TSHZ2: variants seen among roughly 807,000 people sequenced by gnomAD.
TSHZ2 encodes the protein teashirt homolog 2.
TSHZ2 carries 21 observed loss-of-function variants against 74.4 expected under a neutral mutation model. The ratio of observed to expected loss-of-function variants is 0.28; its 90% CI spans 0.20 to 0.41. TSHZ2 has a LOEUF of 0.41. Ranked by LOEUF, TSHZ2 falls within the 10% of genes least tolerant of loss-of-function variation. The pLI is 1.00. For synonymous variants in TSHZ2, 540 were observed against 515.3 expected, an observed-to-expected ratio of 1.05 and a Z score of -0.65; for missense variants, 1,244 against 1,293.5, an observed-to-expected ratio of 0.96 and a Z score of 0.59.
rs1429200292 is a variant in TSHZ2 at position 53,027,884 on chromosome 20, AT to A, written c.40+54559del. ...TAAGGAGAGGAGAGGGTGGTTAGAT[AT>A]TTTTTTTAAAAAAGAAAAGAATCCC... is the stretch of plus-strand genomic sequence containing the variant. On this transcript the variant is annotated intron_variant, in intron 1 of 2. Coordinates refer to ENST00000371497, the MANE Select transcript of TSHZ2 (RefSeq NM_173485.6). 3.3e-5 allele frequency among the ~76,000 whole-genome samples: 5 copies of A among 152,078 alleles called. No homozygotes were observed. The East Asian group carries it at 5.8e-4, about 18-fold the overall frequency.
At position 53,041,327 on chromosome 20, in the gene TSHZ2, C is replaced by T. The variant is rs572130546; in HGVS notation, c.40+67994C>T. Among the ~76,000 whole-genome samples, 4 of 152,332 alleles carry T rather than the reference C, an allele frequency of 2.6e-5. No homozygotes were observed. In the South Asian group the frequency reaches 8.3e-4, roughly 32 times the overall value. ...TCTATTCTCAGGACCTAGCAAGATG[C>T]CAAAATCAGATTACATCCTAATATC... On this transcript the variant is annotated intron_variant, in intron 1 of 2. Coordinates refer to ENST00000371497, the MANE Select transcript of TSHZ2 (RefSeq NM_173485.6).
chr20:53,138,041 T>C (rs1008117722), intron 1 of TSHZ2, among the ~76,000 whole-genome samples: 5 of 152,178 alleles, frequency 3.3e-5, no homozygotes, highest in African/African-American at 1.2e-4. Flanking sequence ...TGGAAAACAC[T>C]GGCAGAGGCA....
intron 1 of TSHZ2, among the ~76,000 whole-genome samples, chr20:53,048,162 A>T (rs2123117950): frequency 6.6e-6 from 1 of 152,286 alleles, no homozygotes; most frequent in African/African-American, 2.4e-5. Flanking sequence ...CCACAGTGTC[A>T]CAACATGGAC....
chr20:53,197,446 A>G (rs1245893529), intron 1 of TSHZ2, among the ~76,000 whole-genome samples: 1 of 152,220 alleles, frequency 6.6e-6, no homozygotes, highest in African/African-American at 2.4e-5. Flanking sequence ...CCTGTTGGTG[A>G]CATTAACATC....
At chr20:52,977,614 C>T (rs1396046150) in intron 1 of TSHZ2, among the ~76,000 whole-genome samples, 1 of 152,130 alleles carries the variant, frequency 6.6e-6, no homozygotes, top group East Asian at 1.9e-4. Flanking sequence ...AAATTGATTG[C>T]TTAAGTGGTC....
In TSHZ2 at chr20:53,256,511, G is replaced by A. The variant is rs535253546; in HGVS notation, c.3053G>A (p.Ser1018Asn). The A allele has an allele frequency of 1.2e-6, 2 of 1,611,836 alleles. No homozygotes were observed. Among genetic ancestry groups the A allele is most frequent in the Non-Finnish European group, 1.7e-6 (2 of 1,178,482 alleles). ...AVKLHLSKTH[S>N]KSPEHHSQFV... ...AAACTCCACCTAAGCAAAACGCACA[G>A]CAAGTCACCCGAACACCATTCACAG... The change falls in exon 2 of 3, where the codon AGC (serine) becomes AAC (asparagine). Residue 1018 changes from serine (S) to asparagine (N), a missense_variant. Physicochemically the swap from Ser to Asn is conservative, Grantham distance 46. Transcript: ENST00000371497. The surrounding 1 kb of genome is among the most constrained non-coding windows in gnomAD (Gnocchi z 4.3).
chr20:53,255,472 C>A lies in TSHZ2; in HGVS notation c.2014C>A (p.Pro672Thr). The A allele has an allele frequency of 3.7e-6, 6 of 1,607,992 alleles. No homozygotes were observed. The highest frequency in any genetic ancestry group is 5.1e-6 in the Non-Finnish European group (6 of 1,179,010). Residue 672 changes from proline (P) to threonine (T), a missense_variant, in exon 2 of 3, where the codon CCC (proline) becomes ACC (threonine). This residue lies in a region of TSHZ2 where 562 missense variants were observed against 544.0 expected (regional missense o/e 1.03). Coordinates refer to ENST00000371497, the MANE Select transcript of TSHZ2 (RefSeq NM_173485.6). The surrounding 1 kb of genome is among the most constrained non-coding windows in gnomAD (Gnocchi z 4.1). Reference sequence around the variant, plus strand: ...GAAGGAGAAACCCCAGCCCCTGGAGCCCACATCTGCTCTGAGCAATGGGTG... The same window carrying A: ...GAAGGAGAAACCCCAGCCCCTGGAGACCACATCTGCTCTGAGCAATGGGTG... The part of the protein sequence containing the change: ...SEKEKPQPLE[P>T]TSALSNGCAL...
intron 2 of TSHZ2, among the ~76,000 whole-genome samples, chr20:53,394,069 A>T (rs535390071): frequency 6.6e-6 from 1 of 152,332 alleles, no homozygotes; most frequent in African/African-American, 2.4e-5. Context: ...ATGTCACTGA[A>T]TGTTCAGGAC....
intron 2 of TSHZ2, among the ~76,000 whole-genome samples, chr20:53,350,126 A>G (rs1318594354): frequency 2.6e-5 from 4 of 152,240 alleles, no homozygotes; most frequent in African/African-American, 4.8e-5. Flanking sequence ...CAAGGTTCCC[A>G]TCTTGAGATC....
At chr20:53,006,544 G>A (rs1190740264) in intron 1 of TSHZ2, among the ~76,000 whole-genome samples, 1 of 152,174 alleles carries the variant, frequency 6.6e-6, no homozygotes, top group Admixed American at 6.5e-5. Flanking sequence ...GTGCACCACG[G>A]CTACTCAACT....
At chr20:53,312,572 G>A (rs929148653) in intron 2 of TSHZ2, among the ~76,000 whole-genome samples, 2 of 152,156 alleles carry the variant, frequency 1.3e-5, no homozygotes, top group East Asian at 1.9e-4. Context: ...GGCACCAGTC[G>A]CTCTATCTCT....
intron 1 of TSHZ2, among the ~76,000 whole-genome samples, chr20:53,189,389 G>A (rs773857732): frequency 1.3e-5 from 2 of 152,190 alleles, no homozygotes; most frequent in Non-Finnish European, 2.9e-5. Context: ...CTCTGTGCAA[G>A]AAATATGGAC....
chr20:52,973,229 A>T lies in TSHZ2; in HGVS notation c.-65A>T. The T allele has an allele frequency of 6.5e-7, 1 of 1,548,548 alleles. No individual in the cohort carries two copies. Reference sequence around the variant, plus strand: ...GAGGAGACCCAGAGAGGCCAGAGAGACAGCGGGCCCCAGCGCGCGGCTCGG... The same window carrying T: ...GAGGAGACCCAGAGAGGCCAGAGAGTCAGCGGGCCCCAGCGCGCGGCTCGG... On this transcript the variant is annotated 5_prime_UTR_variant, in exon 1 of 3. Transcript: ENST00000371497.
At chr20:53,097,642 A>T (rs1156522115) in intron 1 of TSHZ2, 2 of 152,318 alleles carry the variant, frequency 1.3e-5, no homozygotes, top group Non-Finnish European at 2.9e-5. Context: ...TGTTAGATTT[A>T]ATGAAAACCA....
chr20:53,310,588 C>T (rs936893316), intron 2 of TSHZ2, among the ~76,000 whole-genome samples: 1 of 152,222 alleles, frequency 6.6e-6, no homozygotes. Flanking sequence ...GAAAGACCCA[C>T]TTCCAAGCTC....
chr20:53,298,489 A>C (rs77276265), intron 2 of TSHZ2, among the ~76,000 whole-genome samples: 4,932 of 152,262 alleles, frequency 0.032, 260 homozygotes, highest in African/African-American at 0.11. Context: ...CTGGCTTCAG[A>C]GATCTGGGGA....
chr20:53,084,673 C>G (rs1389524318), intron 1 of TSHZ2, among the ~76,000 whole-genome samples: 1 of 51,026 alleles, frequency 2.0e-5, no homozygotes, highest in Non-Finnish European at 3.5e-5. Flanking sequence ...CTCCTTCTCT[C>G]CCTCCCTCCC....
intron 1 of TSHZ2, among the ~76,000 whole-genome samples, chr20:53,095,909 G>A (rs1261028610): frequency 2.6e-5 from 4 of 152,126 alleles, no homozygotes; most frequent in Non-Finnish European, 5.9e-5. Flanking sequence ...AATACTAAAG[G>A]GGGAAAGAGC....
At chr20:53,165,223 A>C (rs1357613645) in intron 1 of TSHZ2, among the ~76,000 whole-genome samples, 3 of 152,242 alleles carry the variant, frequency 2.0e-5, no homozygotes, top group East Asian at 1.9e-4. Context: ...TTTTACCTGC[A>C]ACATTTCATT....
Sources: gnomAD v4.1 joint callset for allele counts (sites outside exome capture counted in the v4.1 genomes callset) on GRCh38, gnomAD v4.1.1 for gene constraint, gnomAD v4.1.1 regional missense constraint, Gnocchi (gnomAD v3.1) non-coding constraint, MANE v1.5 for transcripts, NCBI Gene and HGNC (gene_info 2026-07-23, HGNC 2026-07-21) for gene names.